CFTR: variants seen among roughly 807,000 people sequenced by gnomAD.
CFTR encodes the protein cystic fibrosis transmembrane conductance regulator.
A neutral mutation model predicts 171.6 loss-of-function variants in CFTR; 181 were observed. The ratio of observed to expected loss-of-function variants is 1.05; its 90% CI spans 0.93 to 1.19. The LOEUF is 1.19. CFTR is among the 50% of genes most tolerant of loss of function. The pLI is 0.00. For missense variants in CFTR, 1,968 were observed against 1,734.7 expected (o/e 1.13, Z -2.39); for synonymous variants, 583 against 608.0 (o/e 0.96, Z 0.60).
At chr7:117,489,501 A>G (rs1798123430) in intron 1 of CFTR, among the ~76,000 whole-genome samples, 3 of 152,050 alleles carry the variant, frequency 2.0e-5, no homozygotes, top group South Asian at 2.1e-4. Context: ...ATAATATCAT[A>G]TGTGGCTTAT....
intron 4 of CFTR, among the ~76,000 whole-genome samples, chr7:117,532,577 G>A (rs971295402): frequency 1.8e-4 from 27 of 152,258 alleles, no homozygotes; most frequent in African/African-American, 5.3e-4. Flanking sequence ...ACTGTAATGC[G>A]GGAAGAGACA....
chr7:117,617,991 G>A (rs1792519282), intron 21 of CFTR, among the ~76,000 whole-genome samples: 1 of 151,786 alleles, frequency 6.6e-6, no homozygotes, highest in African/African-American at 2.4e-5. Context: ...CAATTTCCTT[G>A]TCTCCCTTAA....
chr7:117,486,821 G>T (rs1798081491), intron 1 of CFTR, among the ~76,000 whole-genome samples: 2 of 136,914 alleles, frequency 1.5e-5, no homozygotes, highest in South Asian at 5.1e-4. Flanking sequence ...ATATACTGTT[G>T]CAGTTTTGTA....
chr7:117,609,618 C>A (rs1163884473), intron 18 of CFTR, among the ~76,000 whole-genome samples: 1 of 151,972 alleles, frequency 6.6e-6, no homozygotes, highest in Admixed American at 6.6e-5. Context: ...AAAATATGCT[C>A]CGAAAGGTTA....
Position 117,627,899 on chromosome 7 carries a change from CAT to C in CFTR, c.3717+130_3717+131del, listed in dbSNP as rs4148721. 3.1e-3 allele frequency: 3,029 copies of C among 968,694 alleles called. 9 individuals are homozygous for C. The highest frequency in any genetic ancestry group is 4.0e-3 in the Non-Finnish European group (2,462 of 618,284). The allele number at this position is 968,694 out of a possible 1,614,324, so 60.0% of individuals were successfully genotyped here. On this transcript the variant is annotated intron_variant, in intron 22 of 26. Coordinates refer to ENST00000003084, the MANE Select transcript of CFTR (RefSeq NM_000492.4). The stretch of plus-strand genomic sequence containing the variant: ...TACAGTAGAATCAATATTAAACACA[CAT>C]GTTTTATTATATGGAGTCATTATTT...
chr7:117,582,954 T>G (rs1332306973), intron 11 of CFTR, among the ~76,000 whole-genome samples: 1 of 152,102 alleles, frequency 6.6e-6, no homozygotes, highest in Non-Finnish European at 1.5e-5. Flanking sequence ...TCTCTAATAT[T>G]TTTTCACCTT....
intron 11 of CFTR, among the ~76,000 whole-genome samples, chr7:117,565,591 T>C (rs1271285348): frequency 6.6e-6 from 1 of 152,186 alleles, no homozygotes; most frequent in African/African-American, 2.4e-5. Flanking sequence ...GGATATATAA[T>C]TGGTCTCCAC....
At chr7:117,532,284 A>G (rs1347298083) in intron 4 of CFTR, among the ~76,000 whole-genome samples, 1 of 152,204 alleles carries the variant, frequency 6.6e-6, no homozygotes, top group Non-Finnish European at 1.5e-5. Context: ...ATTCAGTTTA[A>G]TAAATGTTTA....
In CFTR at chr7:117,540,338, A is replaced by G. The variant is rs1446096086; in HGVS notation, c.1108A>G (p.Lys370Glu). 1.9e-6 allele frequency: 3 copies of G among 1,613,548 alleles called. No individual in the cohort carries two copies. Among genetic ancestry groups the G allele is most frequent in the Non-Finnish European group, 1.7e-6 (2 of 1,179,486 alleles). ...TWYDSLGAIN[K>E]IQDFLQKQEY... ...GTATGACTCTCTTGGAGCAATAAAC[A>G]AAATACAGGTAATGTACCATAATGC... Residue 370 changes from lysine (K) to glutamate (E), a missense_variant, in exon 8 of 27, where the codon AAA (lysine) becomes GAA (glutamate). Transcript: ENST00000003084.
intron 23 of CFTR, among the ~76,000 whole-genome samples, chr7:117,643,202 T>A (rs942828563): frequency 3.3e-5 from 5 of 152,154 alleles, no homozygotes; most frequent in African/African-American, 1.2e-4. Context: ...AGTTCCAGTT[T>A]AAAGTGATAT....
Position 117,559,665 on chromosome 7 carries a change from T to G in CFTR, c.1584+10T>G. The G allele has an allele frequency of 3.1e-6, 5 of 1,606,626 alleles. No individual in the cohort carries two copies. Among genetic ancestry groups the G allele is most frequent in the Non-Finnish European group, 4.3e-6 (5 of 1,174,014 alleles). On this transcript the variant is annotated intron_variant, in intron 11 of 26. Transcript: ENST00000003084. ...ATGCCAACTAGAAGAGGTAAGAAAC[T>G]ATGTGAAAACTTTTTGATTATGCAT...
chr7:117,501,512 G>A (rs1294343365), intron 1 of CFTR, among the ~76,000 whole-genome samples: 5 of 151,778 alleles, frequency 3.3e-5, no homozygotes, highest in African/African-American at 9.6e-5. Context: ...TTGGGAGACC[G>A]AGGCAGGTGG....
At chr7:117,631,565 A>G (rs1029120332) in intron 22 of CFTR, among the ~76,000 whole-genome samples, 1 of 152,178 alleles carries the variant, frequency 6.6e-6, no homozygotes, top group Non-Finnish European at 1.5e-5. Context: ...TGCCTATGTA[A>G]TGAAGCCACC....
intron 1 of CFTR, among the ~76,000 whole-genome samples, chr7:117,503,021 C>T (rs1440764198): frequency 6.6e-6 from 1 of 152,136 alleles, no homozygotes; most frequent in Non-Finnish European, 1.5e-5. Context: ...TAAAGAAGGA[C>T]CTGGGTGGGA....
intron 22 of CFTR, 78 bp downstream of exon 22, chr7:117,627,848 A>G: frequency 7.1e-7 from 1 of 1,406,216 alleles, no homozygotes; most frequent in South Asian, 1.2e-5. Flanking sequence ...ATGTGTTAGC[A>G]GAATCTATTT....
rs372421038 is a variant in CFTR at position 117,509,074 on chromosome 7, C to A, written c.205C>A (p.Leu69Ile). Residue 69 changes from leucine to isoleucine, a missense_variant, in exon 3 of 27, where the codon CTC (leucine) becomes ATC (isoleucine). Physicochemically the swap from Leu to Ile is conservative, Grantham distance 5. Coordinates refer to ENST00000003084, the MANE Select transcript of CFTR (RefSeq NM_000492.4). ...GCTGGCTTCAAAGAAAAATCCTAAA[C>A]TCATTAATGCCCTTCGGCGATGTTT... is the stretch of plus-strand genomic sequence containing the variant. The part of the protein sequence containing the change: ...RELASKKNPK[L>I]INALRRCFFW... 1 of 1,613,058 alleles carries A rather than the reference C, an allele frequency of 6.2e-7. No individual in the cohort carries two copies. Among genetic ancestry groups the A allele is most frequent in the Non-Finnish European group, 8.5e-7 (1 of 1,179,298 alleles).
intron 23 of CFTR, among the ~76,000 whole-genome samples, chr7:117,645,707 C>T (rs1389676919): frequency 6.6e-6 from 1 of 152,138 alleles, no homozygotes; most frequent in East Asian, 1.9e-4. Context: ...ATTCCACCCC[C>T]ACATTCCAGT....
chr7:117,505,662 G>A (rs1798402152), intron 2 of CFTR, among the ~76,000 whole-genome samples: 1 of 152,164 alleles, frequency 6.6e-6, no homozygotes, highest in Non-Finnish European at 1.5e-5. Flanking sequence ...AGTCTAGAAT[G>A]AACTAGGCTG....
intron 7 of CFTR, 106 bp downstream of exon 7, chr7:117,536,779 A>G (rs922225227): frequency 1.4e-5 from 13 of 955,984 alleles, no homozygotes; most frequent in Admixed American, 2.0e-5. Flanking sequence ...GTTTGTGACA[A>G]TCAAATGATT....
Sources: allele counts gnomAD v4.1 joint callset (sites outside exome capture counted in the v4.1 genomes callset), GRCh38; gene constraint gnomAD v4.1.1; transcripts MANE v1.5; gene names NCBI Gene and HGNC (gene_info 2026-07-23, HGNC 2026-07-21).